The following MPPED2 variants were observed in gnomAD, a reference collection of about 807,000 sequenced individuals.
MPPED2 encodes the protein metallophosphoesterase domain containing 2, also known as metallophosphoesterase MPPED2.
Under a neutral mutation model 33.0 loss-of-function variants are expected in MPPED2, and 5 were observed. The observed-to-expected ratio is 0.15, with a 90% CI of 0.08 to 0.32. MPPED2 has a LOEUF of 0.32. MPPED2 is among the 10% of genes least tolerant of loss of function. MPPED2 has a pLI of 1.00. For synonymous variants in MPPED2, 136 were observed against 141.9 expected (o/e 0.96, Z 0.29); for missense variants, 275 against 372.1 (o/e 0.74, Z 2.15).
Position 30,410,440 on chromosome 11 carries a change from G to A in MPPED2, c.*1028C>T, listed in dbSNP as rs572798139. On this transcript the variant is annotated 3_prime_UTR_variant, in exon 7 of 7. Transcript: ENST00000358117. ...CATCGACACACAGTGCAAAATGGGA[G>A]AGGGGAGAGGAAGTAAGAAGACAAC... is the stretch of plus-strand genomic sequence containing the variant. 2 of 971,030 alleles carry A rather than the reference G, an allele frequency of 2.1e-6. No individual in the cohort carries two copies. The highest frequency in any genetic ancestry group is 2.3e-4 in the East Asian group (2 of 8,778). 60.2% of individuals were successfully genotyped at this position (971,030 alleles called of 1,614,324 possible). A position where few individuals can be genotyped will look rare whatever the true frequency, so the allele number is the denominator to read the frequency against.
intron 4 of MPPED2, among the ~76,000 whole-genome samples, chr11:30,440,082 C>G (rs1949498377): frequency 6.6e-6 from 1 of 152,184 alleles, no homozygotes; most frequent in Non-Finnish European, 1.5e-5. Flanking sequence ...ATAATTCCAG[C>G]ACTTTGGGAG....
intron 2 of MPPED2, among the ~76,000 whole-genome samples, chr11:30,554,180 A>C (rs1441584941): frequency 6.6e-6 from 1 of 151,986 alleles, no homozygotes; most frequent in Non-Finnish European, 1.5e-5. Flanking sequence ...TATGCCCATC[A>C]CTCAGTTTAG....
intron 4 of MPPED2, among the ~76,000 whole-genome samples, chr11:30,424,117 G>T (rs963188333): frequency 1.3e-5 from 2 of 152,198 alleles, no homozygotes; most frequent in African/African-American, 4.8e-5. Context: ...AGGGCAAAAC[G>T]GTTAGTCAAG....
intron 4 of MPPED2, among the ~76,000 whole-genome samples, chr11:30,419,086 A>G (rs994080449): frequency 4.6e-5 from 7 of 152,224 alleles, no homozygotes; most frequent in African/African-American, 1.7e-4. Context: ...TGCTTATAAT[A>G]GAAATAAGAA....
chr11:30,442,620 TAG>T (rs1374862168), intron 4 of MPPED2, among the ~76,000 whole-genome samples: 1 of 152,220 alleles, frequency 6.6e-6, no homozygotes, highest in African/African-American at 2.4e-5. Flanking sequence ...ACACAGAGGC[TAG>T]AGTGACCAAC....
intron 4 of MPPED2, among the ~76,000 whole-genome samples, chr11:30,442,728 A>G (rs1565072304): frequency 6.6e-6 from 1 of 152,210 alleles, no homozygotes; most frequent in Non-Finnish European, 1.5e-5. Flanking sequence ...ATCACCATTA[A>G]GCCAGGCACG....
chr11:30,413,875 C>T (rs943448449), intron 6 of MPPED2, among the ~76,000 whole-genome samples: 4 of 152,176 alleles, frequency 2.6e-5, no homozygotes, highest in African/African-American at 9.7e-5. Flanking sequence ...ACCATTTCTT[C>T]TAACTCTCTT....
intron 6 of MPPED2, among the ~76,000 whole-genome samples, chr11:30,402,333 C>T (rs891682822): frequency 3.9e-5 from 6 of 152,156 alleles, no homozygotes; most frequent in African/African-American, 1.4e-4. Flanking sequence ...ATTGTCACTT[C>T]GCTGGAGATA....
At position 30,580,465 on chromosome 11, in the gene MPPED2, G is replaced by C; in HGVS notation, c.-92C>G. ...CGTTTCAGCCAACCTCTGAATCCAA[G>C]GATCTACTCATCAATACCGCTGTGC... On this transcript the variant is annotated 5_prime_UTR_variant, in exon 2 of 7. Coordinates refer to ENST00000358117, the MANE Select transcript of MPPED2 (RefSeq NM_001584.3). 6.5e-7 allele frequency: 1 copy of C among 1,543,206 alleles called. No homozygotes were observed. Among genetic ancestry groups the C allele is most frequent in the Non-Finnish European group, 8.8e-7 (1 of 1,142,580 alleles).
chr11:30,497,993 C>T (rs1455388695), intron 3 of MPPED2, among the ~76,000 whole-genome samples: 1 of 151,760 alleles, frequency 6.6e-6, no homozygotes, highest in Non-Finnish European at 1.5e-5. Context: ...TATAATCTGC[C>T]AACCTTTATG....
chr11:30,549,924 G>A (rs1463457567), intron 2 of MPPED2, among the ~76,000 whole-genome samples: 2 of 152,106 alleles, frequency 1.3e-5, no homozygotes, highest in Non-Finnish European at 2.9e-5. Context: ...TCATCTTTTG[G>A]GGAGGGGTGG....
At chr11:30,573,538 C>T (rs1956795759) in intron 2 of MPPED2, among the ~76,000 whole-genome samples, 1 of 152,166 alleles carries the variant, frequency 6.6e-6, no homozygotes, top group African/African-American at 2.4e-5. Flanking sequence ...ATAACAGCTC[C>T]ATGCCTGTTA....
intron 4 of MPPED2, among the ~76,000 whole-genome samples, chr11:30,465,148 T>C (rs139042262): frequency 1.3e-5 from 2 of 152,316 alleles, no homozygotes; most frequent in East Asian, 1.9e-4. Flanking sequence ...CAAATTCACA[T>C]TGGAACTGCA....
intron 2 of MPPED2, among the ~76,000 whole-genome samples, chr11:30,566,069 T>C (rs1956428613): frequency 6.6e-6 from 1 of 152,160 alleles, no homozygotes; most frequent in Admixed American, 6.6e-5. Flanking sequence ...AAAAACTGGT[T>C]CGCCTTATTC....
At chr11:30,415,960 G>A (rs1948334984) in intron 5 of MPPED2, among the ~76,000 whole-genome samples, 1 of 152,222 alleles carries the variant, frequency 6.6e-6, no homozygotes. Context: ...TCAGGCAAAA[G>A]GATGAAGGTA....
At chr11:30,514,752 C>T (rs1018175127) in intron 3 of MPPED2, among the ~76,000 whole-genome samples, 2 of 152,140 alleles carry the variant, frequency 1.3e-5, no homozygotes, top group Non-Finnish European at 2.9e-5. Flanking sequence ...ATGATGATGA[C>T]AATTATGAGA....
At chr11:30,387,826 C>T (rs1947721201) in exon 7 of MPPED2, 1 of 152,272 alleles carries the variant, frequency 6.6e-6, no homozygotes, top group Non-Finnish European at 1.5e-5. Context: ...AGTGACAGCC[C>T]TAATAGCAAG....
chr11:30,558,104 G>T (rs1956067985), intron 2 of MPPED2, among the ~76,000 whole-genome samples: 1 of 151,984 alleles, frequency 6.6e-6, no homozygotes, highest in African/African-American at 2.4e-5. Context: ...TGCAGGAATT[G>T]GTCAACCAAT....
chr11:30,527,368 T>TG (rs983095954), intron 3 of MPPED2, among the ~76,000 whole-genome samples: 4 of 146,914 alleles, frequency 2.7e-5, no homozygotes, highest in African/African-American at 7.5e-5. Flanking sequence ...AAAGAGTTGT[T>TG]TTTTTTTTTT....
Sources: gnomAD v4.1 joint callset for allele counts (sites outside exome capture counted in the v4.1 genomes callset) on GRCh38, gnomAD v4.1.1 for gene constraint, MANE v1.5 for transcripts, NCBI Gene and HGNC (gene_info 2026-07-23, HGNC 2026-07-21) for gene names.